RLIG1: variants seen among roughly 807,000 people sequenced by gnomAD.
RLIG1 encodes the protein RNA ligase 1.
At chr12:88,042,622 C>T in the RLIG1 span, 1 of 384,328 alleles carries the variant, frequency 2.6e-6, no homozygotes, top group Non-Finnish European at 4.7e-6. Context: ...CTTTTTGTCT[C>T]ATCCCCCTCA....
At chr12:88,042,959 A>C in the RLIG1 span, 11 of 1,291,826 alleles carry the variant, frequency 8.5e-6, no homozygotes, top group Non-Finnish European at 9.6e-6. Context: ...AAATAGCTGA[A>C]ATTTGTGGCA....
chr12:88,043,776 A>G, the RLIG1 span: 1 of 1,155,598 alleles, frequency 8.7e-7, no homozygotes, highest in South Asian at 1.4e-5. Flanking sequence ...CAAAATATCC[A>G]TTCAATCAGA....
chr12:88,048,460 T>G, the RLIG1 span: 1 of 1,018,146 alleles, frequency 9.8e-7, no homozygotes, highest in Admixed American at 3.0e-5. Flanking sequence ...TATTCTAATC[T>G]TGAATATTCT....
the RLIG1 span, among the ~76,000 whole-genome samples, chr12:88,037,158 C>A: frequency 6.6e-6 from 1 of 152,122 alleles, no homozygotes; most frequent in Non-Finnish European, 1.5e-5. Context: ...CAACCACAAT[C>A]CTGTCTCATA....
chr12:88,042,885 T>G, the RLIG1 span: 4 of 1,573,672 alleles, frequency 2.5e-6, no homozygotes, highest in Non-Finnish European at 3.4e-6. Context: ...GAAAAAAGAT[T>G]TAAAAATTTT....
the RLIG1 span, among the ~76,000 whole-genome samples, chr12:88,046,133 G>C: frequency 6.6e-6 from 1 of 151,978 alleles, no homozygotes; most frequent in Non-Finnish European, 1.5e-5. Flanking sequence ...AATAGCCAAC[G>C]GTATAAAGAA....
At chr12:88,043,228 A>G in the RLIG1 span, among the ~76,000 whole-genome samples, 1 of 152,058 alleles carries the variant, frequency 6.6e-6, no homozygotes, top group Non-Finnish European at 1.5e-5. Flanking sequence ...GGAAATTAAT[A>G]TTTTTAATTA....
chr12:88,048,189 G>A, the RLIG1 span: 1 of 1,392,464 alleles, frequency 7.2e-7, no homozygotes, highest in Non-Finnish European at 9.5e-7. Context: ...AGTGAATGAA[G>A]ATAGTATCTG....
chr12:88,043,731 T>G, the RLIG1 span: 18 of 1,540,448 alleles, frequency 1.2e-5, no homozygotes, highest in Non-Finnish European at 1.6e-5. Flanking sequence ...ATGATATCTC[T>G]TCTAGTGCAG....
At chr12:88,040,068 A>G in the RLIG1 span, 1 of 752,410 alleles carries the variant, frequency 1.3e-6, no homozygotes, top group Non-Finnish European at 2.3e-6. Flanking sequence ...AATGAAATTA[A>G]GAAGATTTCA....
chr12:88,044,333 C>T, the RLIG1 span: 2 of 152,236 alleles, frequency 1.3e-5, no homozygotes, highest in South Asian at 2.1e-4. Context: ...ATGAGATGAT[C>T]TAGTCTGAAA....
At chr12:88,044,967 G>GT in the RLIG1 span, 36 of 152,530 alleles carry the variant, frequency 2.4e-4, no homozygotes, top group African/African-American at 8.4e-4. Context: ...GAAGATAATG[G>GT]TTTTTAATCA....
At chr12:88,035,876 G>C in the RLIG1 span, 1 of 1,507,686 alleles carries the variant, frequency 6.6e-7, no homozygotes, top group Non-Finnish European at 8.8e-7. Context: ...GTTTCCCTGG[G>C]GAGGTCTGGG....
the RLIG1 span, among the ~76,000 whole-genome samples, chr12:88,038,793 ATC>A: frequency 6.6e-6 from 1 of 152,192 alleles, no homozygotes; most frequent in Non-Finnish European, 1.5e-5. Context: ...AAAGTCTGTG[ATC>A]TGTTATGTTT....
At chr12:88,040,376 A>G in the RLIG1 span, 1 of 573,612 alleles carries the variant, frequency 1.7e-6, no homozygotes, top group Admixed American at 3.7e-5. Flanking sequence ...AAACCTAAGT[A>G]TAGTAGCAAA....
At chr12:88,046,746 G>A in the RLIG1 span, 11 of 1,444,650 alleles carry the variant, frequency 7.6e-6, no homozygotes, top group South Asian at 2.7e-5. Flanking sequence ...GAAGAGGTAC[G>A]TTTTCTAGTT....
chr12:88,046,295 G>A, the RLIG1 span, among the ~76,000 whole-genome samples: 151,747 of 152,236 alleles, frequency 1, 75,632 homozygotes, highest in Middle Eastern at 1. Flanking sequence ...AATCCTATAT[G>A]GAGATCAAAA....
the RLIG1 span, among the ~76,000 whole-genome samples, chr12:88,047,231 C>A: frequency 6.6e-6 from 1 of 152,134 alleles, no homozygotes; most frequent in Non-Finnish European, 1.5e-5. Flanking sequence ...CGTGGAAATT[C>A]ATGTTGCACA....
the RLIG1 span, chr12:88,045,387 G>C: frequency 7.3e-5 from 40 of 547,138 alleles, no homozygotes; most frequent in South Asian, 8.7e-4. Flanking sequence ...TAATTCTACA[G>C]AATAAAAAAT....
Sources: allele counts gnomAD v4.1 joint callset (sites outside exome capture counted in the v4.1 genomes callset), GRCh38; gene constraint gnomAD v4.1.1; transcripts MANE v1.5; gene names NCBI Gene and HGNC (gene_info 2026-07-23, HGNC 2026-07-21).